The following VNN1 variants were observed in gnomAD, a reference collection of about 807,000 sequenced individuals.
VNN1 encodes the protein pantetheinase.
A neutral mutation model predicts 41.9 loss-of-function variants in VNN1; 29 were observed. The ratio of observed to expected loss-of-function variants is 0.69; its 90% CI spans 0.52 to 0.94. VNN1 has a LOEUF of 0.94. Among genes scored for constraint, VNN1 ranks in the 40% least tolerant of loss-of-function variants. VNN1 has a pLI of 0.00. For missense variants in VNN1, 637 were observed against 621.1 expected (o/e 1.03, Z -0.27); for synonymous variants, 233 against 224.4 (o/e 1.04, Z -0.34).
Position 132,694,092 on chromosome 6 carries a change from T to G in VNN1, c.432A>C (p.Pro144=). 3 of 1,614,190 alleles carry G rather than the reference T, an allele frequency of 1.9e-6. No homozygotes were observed. The highest frequency in any genetic ancestry group is 2.5e-6 in the Non-Finnish European group (3 of 1,180,020). ...YVVANIGDKK[P]CDTSDPQCPP... is the part of the protein sequence containing the mutation. Reference sequence around the variant, plus strand: ...GACACTGAGGATCACTGGTATCGCATGGCTTCTTGTCCCCAATATTTGCCA... The same window carrying G: ...GACACTGAGGATCACTGGTATCGCAGGGCTTCTTGTCCCCAATATTTGCCA... The change falls in exon 3 of 7, where the codon CCA becomes CCC. Residue 144 remains proline, a synonymous_variant. Transcript: ENST00000367928.
chr6:132,702,763 C>T, intron 2 of VNN1, among the ~76,000 whole-genome samples: 1 of 152,202 alleles, frequency 6.6e-6, no homozygotes, highest in South Asian at 2.1e-4. Flanking sequence ...TAGACATACA[C>T]TAGGCTATAA....
chr6:132,691,996 T>G (rs1778293235), intron 5 of VNN1, among the ~76,000 whole-genome samples: 2 of 148,786 alleles, frequency 1.3e-5, no homozygotes. Context: ...AGAGTGAGAC[T>G]CTGTCTCAAA....
rs372722974 is a variant in VNN1 at position 132,689,754 on chromosome 6, A to AT, written c.1188+2468dup. ...CTTAATTGCCCCTTGTATCTTGCTG[A>AT]TTTTTGAAACAATATTTCTAATTCT... On this transcript the variant is annotated intron_variant, in intron 5 of 6. Coordinates refer to ENST00000367928, the MANE Select transcript of VNN1 (RefSeq NM_004666.3). Among the ~76,000 whole-genome samples the AT allele has an allele frequency of 3.3e-3, 509 of 152,232 alleles. 3 individuals carry two copies. Among genetic ancestry groups the AT allele is most frequent in the African/African-American group, 0.012 (481 of 41,536 alleles).
chr6:132,709,688 CAGAG>C (rs1315627896), intron 2 of VNN1, among the ~76,000 whole-genome samples: 4 of 150,688 alleles, frequency 2.7e-5, no homozygotes, highest in Non-Finnish European at 2.9e-5. Context: ...GAGAGAGAGA[CAGAG>C]AGAATTAAGG....
rs1020524757 is a variant in VNN1 at position 132,696,898 on chromosome 6, G to T, written c.342-2716C>A. Among the ~76,000 whole-genome samples the T allele has an allele frequency of 4.3e-4, 65 of 152,206 alleles. 1 individual carries two copies. Among genetic ancestry groups the T allele is most frequent in the Middle Eastern group, 3.4e-3 (1 of 294 alleles). On this transcript the variant is annotated intron_variant, in intron 2 of 6. Coordinates refer to ENST00000367928, the MANE Select transcript of VNN1 (RefSeq NM_004666.3). ...GCCAGTGGAACACCTGAGGTCAGGA[G>T]ATCGAGACCATCCTGGCTAACACGG...
Position 132,713,820 on chromosome 6 carries a change from T to A in VNN1, c.210+6A>T. ...CAGTACACTGGAGAGATGGTAGAGA[T>A]GGTACCTGATCTGCTGCTGATGTGA... On this transcript the variant is annotated splice_donor_region_variant and intron_variant, in intron 1 of 6. Coordinates refer to ENST00000367928, the MANE Select transcript of VNN1 (RefSeq NM_004666.3). 5.6e-6 allele frequency: 9 copies of A among 1,612,390 alleles called. No individual in the cohort carries two copies. The highest frequency in any genetic ancestry group is 7.6e-6 in the Non-Finnish European group (9 of 1,179,936).
chr6:132,684,763 T>A lies in VNN1; in HGVS notation c.1189-258A>T, dbSNP rs145557006. On this transcript the variant is annotated intron_variant, in intron 5 of 6. Coordinates refer to ENST00000367928, the MANE Select transcript of VNN1 (RefSeq NM_004666.3). ...AAAGTCAACTGAAATACTCTCTTGA[T>A]CTAGAAAAATGCCTATGCCACTTTA... 3.3e-3 allele frequency among the ~76,000 whole-genome samples: 510 copies of A among 152,274 alleles called. 3 individuals carry two copies. The highest frequency in any genetic ancestry group is 0.012 in the African/African-American group (482 of 41,566).
chr6:132,692,615 A>G (rs1778309152), intron 4 of VNN1, 31 bp from the exon 5 acceptor site: 4 of 1,524,448 alleles, frequency 2.6e-6, no homozygotes, highest in African/African-American at 2.8e-5. Flanking sequence ...ACATCATTTG[A>G]AATTGGAAAG....
intron 2 of VNN1, among the ~76,000 whole-genome samples, chr6:132,707,386 G>T (rs993562869): frequency 6.6e-6 from 1 of 152,068 alleles, no homozygotes; most frequent in Admixed American, 6.6e-5. Flanking sequence ...CAGTTTGAAG[G>T]TTTCTCAAAA....
chr6:132,712,200 A>C (rs1468501472), intron 1 of VNN1, among the ~76,000 whole-genome samples: 3 of 141,226 alleles, frequency 2.1e-5, no homozygotes, highest in African/African-American at 5.4e-5. Flanking sequence ...CCCAGGCTGG[A>C]GTGCAATGGC....
chr6:132,711,187 G>T (rs1246165617), intron 2 of VNN1, among the ~76,000 whole-genome samples: 1 of 152,110 alleles, frequency 6.6e-6, no homozygotes, highest in Non-Finnish European at 1.5e-5. Context: ...ATAAGATATT[G>T]GTTTCCTTAC....
At chr6:132,711,622 GGATCTAT>G (rs1778600733) in intron 2 of VNN1, 80 bp downstream of exon 2, 1 of 1,412,290 alleles carries the variant, frequency 7.1e-7, no homozygotes, top group African/African-American at 1.4e-5. Context: ...AATTGATCAT[GGATCTAT>G]GCAATGATCA....
At chr6:132,684,258 A>G in intron 6 of VNN1, 77 bp downstream of exon 6, 6 of 1,398,336 alleles carry the variant, frequency 4.3e-6, no homozygotes, top group African/African-American at 1.5e-5. Flanking sequence ...GATATTTGTA[A>G]GCACTTGAGC....
Position 132,711,852 on chromosome 6 carries a change from C to G in VNN1, c.211-13G>C. 3 of 1,611,630 alleles carry G rather than the reference C, an allele frequency of 1.9e-6. No individual in the cohort carries two copies. The highest frequency in any genetic ancestry group is 2.5e-6 in the Non-Finnish European group (3 of 1,178,786). On this transcript the variant is annotated splice_polypyrimidine_tract_variant and intron_variant, in intron 1 of 6. Transcript: ENST00000367928. The stretch of plus-strand genomic sequence containing the variant: ...TAATATGCGCACCCTGTTAAAAATG[C>G]AACTTAATCCAAAGGGGGGCCTGCA...
chr6:132,691,857 A>C (rs1347871877), intron 5 of VNN1, among the ~76,000 whole-genome samples: 1 of 152,104 alleles, frequency 6.6e-6, no homozygotes, highest in East Asian at 1.9e-4. Context: ...ACAACAAAAA[A>C]ATTAGCCAGG....
intron 2 of VNN1, among the ~76,000 whole-genome samples, chr6:132,703,820 C>A (rs1778481426): frequency 6.6e-6 from 1 of 152,102 alleles, no homozygotes; most frequent in Non-Finnish European, 1.5e-5. Context: ...AAGAAACACA[C>A]TTCACTTATA....
chr6:132,690,573 C>T (rs1042925942), intron 5 of VNN1, among the ~76,000 whole-genome samples: 1 of 152,202 alleles, frequency 6.6e-6, no homozygotes, highest in African/African-American at 2.4e-5. Flanking sequence ...CAATCACATG[C>T]CAACCTATGC....
rs757379171 is a variant in VNN1 at position 132,692,421 on chromosome 6, G to A, written c.990C>T (p.Asn330=). ...ASSIEALSSG[N]KEFKGTVFFD... is the part of the protein sequence containing the mutation. Reference sequence around the variant, plus strand: ...AAAAGACAGTGCCTTTAAATTCCTTGTTTCCTGATGAGAGCGCTTCTATAC... The same window carrying A: ...AAAAGACAGTGCCTTTAAATTCCTTATTTCCTGATGAGAGCGCTTCTATAC... The change falls in exon 5 of 7, where the codon AAC becomes AAT. Residue 330 remains asparagine, a synonymous_variant. Transcript: ENST00000367928. The A allele has an allele frequency of 6.2e-7, 1 of 1,614,122 alleles. No individual in the cohort carries two copies. The highest frequency in any genetic ancestry group is 2.2e-5 in the East Asian group (1 of 44,878).
intron 5 of VNN1, 81 bp from the exon 6 acceptor site, chr6:132,684,586 T>G: frequency 2.1e-6 from 3 of 1,425,444 alleles, no homozygotes; most frequent in South Asian, 1.2e-5. Flanking sequence ...CATTTCACGG[T>G]GTGTACACAT....
Sources: gnomAD v4.1 joint callset for allele counts (sites outside exome capture counted in the v4.1 genomes callset) on GRCh38, gnomAD v4.1.1 for gene constraint, MANE v1.5 for transcripts, NCBI Gene and HGNC (gene_info 2026-07-23, HGNC 2026-07-21) for gene names.